The following SGCD variants were observed in gnomAD, a reference collection of about 807,000 sequenced individuals.
The protein encoded by SGCD is sarcoglycan delta, also known as delta-sarcoglycan.
In SGCD, 18 loss-of-function variants were observed where a neutral mutation model predicts 36.6. That is an observed-to-expected ratio of 0.49 (90% CI 0.34 to 0.73). SGCD has a LOEUF of 0.73. SGCD is among the 30% of genes least tolerant of loss of function. The pLI, the probability that SGCD is intolerant of heterozygous loss-of-function variation, is 0.01. For missense variants in SGCD, 387 were observed against 346.7 expected (o/e 1.12, Z -0.92); for synonymous variants, 133 against 130.6 (o/e 1.02, Z -0.12).
intron 7 of SGCD, among the ~76,000 whole-genome samples, chr5:156,658,648 T>C (rs1166096626): frequency 1.3e-5 from 1 of 77,398 alleles, no homozygotes; most frequent in Non-Finnish European, 2.4e-5. Context: ...ACAGTAACAA[T>C]TTGATCTCTC....
intron 3 of SGCD, among the ~76,000 whole-genome samples, chr5:156,392,267 C>T (rs1039467728): frequency 6.6e-6 from 1 of 152,180 alleles, no homozygotes; most frequent in Non-Finnish European, 1.5e-5. Context: ...GAAGAATGGA[C>T]GGGGTCTTCA....
At chr5:156,200,494 G>A (rs1303244124) in intron 3 of SGCD, among the ~76,000 whole-genome samples, 1 of 152,102 alleles carries the variant, frequency 6.6e-6, no homozygotes, top group Non-Finnish European at 1.5e-5. Flanking sequence ...TTACCTTATA[G>A]CATTTAAAAA....
chr5:156,415,092 CA>C, intron 3 of SGCD, among the ~76,000 whole-genome samples: 1 of 152,078 alleles, frequency 6.6e-6, no homozygotes, highest in South Asian at 2.1e-4. Context: ...GCCAAGGTTT[CA>C]GTCTTGAATG....
intron 1 of SGCD, among the ~76,000 whole-genome samples, chr5:155,882,247 T>A (rs554240906): frequency 1.3e-4 from 19 of 151,996 alleles, no homozygotes; most frequent in South Asian, 2.1e-4. Context: ...GACTTTTTTT[T>A]AAAAAACTTT....
chr5:156,521,013 T>C (rs2113035958), intron 4 of SGCD, among the ~76,000 whole-genome samples: 1 of 93,094 alleles, frequency 1.1e-5, no homozygotes, highest in East Asian at 2.9e-4. Context: ...CGAGACTCCG[T>C]CTCAAAAAAA....
intron 3 of SGCD, among the ~76,000 whole-genome samples, chr5:156,227,732 A>G (rs1170357986): frequency 6.6e-6 from 1 of 152,058 alleles, no homozygotes; most frequent in Non-Finnish European, 1.5e-5. Flanking sequence ...GTGCAACGTT[A>G]GATTGTCTGT....
intron 7 of SGCD, among the ~76,000 whole-genome samples, chr5:156,737,578 G>T (rs967659803): frequency 6.6e-6 from 1 of 152,062 alleles, no homozygotes; most frequent in East Asian, 1.9e-4. Flanking sequence ...CACCTACTTT[G>T]CTCCCCACAG....
At chr5:156,470,602 T>G (rs1215189389) in intron 3 of SGCD, among the ~76,000 whole-genome samples, 1 of 152,122 alleles carries the variant, frequency 6.6e-6, no homozygotes, top group African/African-American at 2.4e-5. Context: ...TGTTTGGTTT[T>G]TTGTCCTTGC....
In SGCD at chr5:156,431,828, G is replaced by A. The variant is rs554983728; in HGVS notation, c.193-76773G>A. On this transcript the variant is annotated intron_variant, in intron 3 of 8. Transcript: ENST00000337851. ...CCTCCCCAGTTCAGGTGATTCTCCT[G>A]CCTCAACCTCCTGAGTAGCTGGGAT... 2.4e-4 allele frequency among the ~76,000 whole-genome samples: 37 copies of A among 152,224 alleles called. No individual in the cohort carries two copies. The South Asian group carries it at 7.1e-3, about 29-fold the overall frequency.
the SGCD span, among the ~76,000 whole-genome samples, chr5:155,762,763 A>G: frequency 1.3e-5 from 2 of 152,268 alleles, no homozygotes; most frequent in East Asian, 3.9e-4. Flanking sequence ...ATTTCACTTT[A>G]CTGAAACTTA....
intron 3 of SGCD, among the ~76,000 whole-genome samples, chr5:156,400,037 G>T (rs1489908090): frequency 1.3e-5 from 2 of 152,172 alleles, no homozygotes; most frequent in Non-Finnish European, 2.9e-5. Context: ...GGGGTGAGGA[G>T]GGTAAGTAAG....
the SGCD span, among the ~76,000 whole-genome samples, chr5:155,805,118 A>G: frequency 6.6e-6 from 1 of 152,222 alleles, no homozygotes; most frequent in East Asian, 1.9e-4. Context: ...ATATGGGTGT[A>G]CATGGAAATT....
intron 4 of SGCD, among the ~76,000 whole-genome samples, chr5:156,514,059 A>T (rs1757053825): frequency 6.6e-6 from 1 of 152,218 alleles, no homozygotes; most frequent in Non-Finnish European, 1.5e-5. Flanking sequence ...ATGTGATTGG[A>T]TATCTTTTTA....
chr5:156,578,167 A>T (rs1760063884), intron 4 of SGCD, among the ~76,000 whole-genome samples: 1 of 152,268 alleles, frequency 6.6e-6, no homozygotes, highest in South Asian at 2.1e-4. Flanking sequence ...ATCTATTGAG[A>T]TAATCATGTG....
the SGCD span, among the ~76,000 whole-genome samples, chr5:155,813,007 A>G: frequency 6.6e-6 from 1 of 151,920 alleles, no homozygotes; most frequent in Admixed American, 6.6e-5. Context: ...TCTTATTTTT[A>G]GTTGTAGAGC....
chr5:156,708,946 AG>A (rs1205110433), intron 7 of SGCD, among the ~76,000 whole-genome samples: 1 of 152,204 alleles, frequency 6.6e-6, no homozygotes, highest in African/African-American at 2.4e-5. Flanking sequence ...AATGGAAGGC[AG>A]GGGTTATTTT....
chr5:155,998,893 T>C (rs9313768), intron 1 of SGCD, among the ~76,000 whole-genome samples: 8,272 of 152,240 alleles, frequency 0.054, 717 homozygotes, highest in African/African-American at 0.18. Flanking sequence ...CTCTGATAAT[T>C]TCATTAGAAG....
intron 7 of SGCD, among the ~76,000 whole-genome samples, chr5:156,657,395 C>T (rs551451288): frequency 7.6e-6 from 1 of 131,900 alleles, no homozygotes; most frequent in South Asian, 3.1e-4. Flanking sequence ...ATCCCTCCCC[C>T]CTCCCCCCAC....
intron 3 of SGCD, among the ~76,000 whole-genome samples, chr5:156,208,864 C>T (rs1000936998): frequency 2.0e-5 from 3 of 152,074 alleles, no homozygotes; most frequent in African/African-American, 4.8e-5. Flanking sequence ...CAAGAAAATA[C>T]CTTCACAAGA....
Sources: allele counts gnomAD v4.1 joint callset (sites outside exome capture counted in the v4.1 genomes callset), GRCh38; gene constraint gnomAD v4.1.1; transcripts MANE v1.5; gene names NCBI Gene and HGNC (gene_info 2026-07-23, HGNC 2026-07-21).